The following PARD3B variants were observed in gnomAD, a reference collection of about 807,000 sequenced individuals.
The protein encoded by PARD3B is par-3 family cell polarity regulator beta.
A neutral mutation model predicts 130.2 loss-of-function variants in PARD3B; 103 were observed. That is an observed-to-expected ratio of 0.79 (90% confidence interval 0.67 to 0.93). The LOEUF (loss-of-function observed/expected upper bound fraction) is 0.93, where lower values mean the gene tolerates loss of function less well. Ranked by LOEUF, PARD3B falls within the 40% of genes least tolerant of loss-of-function variation. PARD3B has a pLI of 0.00. For missense variants in PARD3B, 1,609 were observed against 1,499.2 expected (o/e 1.07, Z -1.21); for synonymous variants, 583 against 553.2 (o/e 1.05, Z -0.76).
At chr2:205,152,907 G>A (rs2033860471) in intron 10 of PARD3B, among the ~76,000 whole-genome samples, 1 of 152,142 alleles carries the variant, frequency 6.6e-6, no homozygotes, top group Non-Finnish European at 1.5e-5. Context: ...TCTACCTTTG[G>A]TCTTTGATGA....
At chr2:205,260,750 T>A (rs1388886232) in intron 16 of PARD3B, among the ~76,000 whole-genome samples, 5 of 152,148 alleles carry the variant, frequency 3.3e-5, no homozygotes, top group Middle Eastern at 3.2e-3. Context: ...TGATTTTTTT[T>A]AATTGTTGTT....
chr2:204,815,389 A>G (rs2043108533), intron 2 of PARD3B, among the ~76,000 whole-genome samples: 1 of 151,826 alleles, frequency 6.6e-6, no homozygotes, highest in Non-Finnish European at 1.5e-5. Context: ...CATTCCTGTT[A>G]TTGGTAATTT....
Position 205,165,565 on chromosome 2 carries a change from A to C in PARD3B, c.1621-6646A>C, listed in dbSNP as rs111280722. 2.2e-3 allele frequency among the ~76,000 whole-genome samples: 333 copies of C among 150,646 alleles called. 7 individuals are homozygous for C. In the East Asian group the frequency reaches 0.031, roughly 14 times the overall value. ...AAACCCCATCTCTGCTAAAAATACA[A>C]AAACTAGCCAGGCATGATGGTACGC... is the stretch of plus-strand genomic sequence containing the variant. On this transcript the variant is annotated intron_variant, in intron 11 of 22. Transcript: ENST00000406610.
chr2:204,837,409 A>T (rs1255284029), intron 2 of PARD3B, among the ~76,000 whole-genome samples: 1 of 151,436 alleles, frequency 6.6e-6, no homozygotes, highest in African/African-American at 2.4e-5. Context: ...ATTCTCTTAA[A>T]AAATAAAAAT....
intron 2 of PARD3B, among the ~76,000 whole-genome samples, chr2:204,837,098 T>G (rs180804180): frequency 5.3e-4 from 81 of 152,270 alleles, no homozygotes; most frequent in Admixed American, 1.4e-3. Context: ...CAGTGGGGTA[T>G]GATTGGACCC....
intron 2 of PARD3B, among the ~76,000 whole-genome samples, chr2:204,770,834 A>C (rs1413748897): frequency 2.6e-5 from 4 of 151,974 alleles, no homozygotes; most frequent in African/African-American, 7.2e-5. Flanking sequence ...CCCTATCAGG[A>C]GTCTCTGTAG....
intron 2 of PARD3B, among the ~76,000 whole-genome samples, chr2:204,897,778 T>A (rs1222676318): frequency 6.6e-6 from 1 of 152,092 alleles, no homozygotes; most frequent in Non-Finnish European, 1.5e-5. Context: ...CAAGGGAACA[T>A]TGATCATTGC....
chr2:205,399,351 TTTTG>T (rs1002976062), intron 18 of PARD3B, among the ~76,000 whole-genome samples: 6 of 151,978 alleles, frequency 3.9e-5, no homozygotes, highest in East Asian at 3.9e-4. Flanking sequence ...GTGTGTTTTG[TTTTG>T]TTTGTTTGTT....
At chr2:205,391,290 A>G (rs928976816) in intron 18 of PARD3B, among the ~76,000 whole-genome samples, 2 of 152,266 alleles carry the variant, frequency 1.3e-5, no homozygotes, top group African/African-American at 2.4e-5. Flanking sequence ...GTATCTGGCT[A>G]TTGACTGAAG....
At chr2:204,959,699 G>C (rs554013322) in intron 2 of PARD3B, among the ~76,000 whole-genome samples, 4 of 152,160 alleles carry the variant, frequency 2.6e-5, no homozygotes, top group African/African-American at 9.7e-5. Flanking sequence ...CTAAAATAAG[G>C]TTTATGGATA....
At chr2:205,013,346 G>C (rs1695874032) in intron 3 of PARD3B, among the ~76,000 whole-genome samples, 2 of 152,012 alleles carry the variant, frequency 1.3e-5, no homozygotes, top group Non-Finnish European at 2.9e-5. Context: ...ATTATTTTTA[G>C]ATGTTTAAAA....
chr2:204,803,181 T>TATAA (rs1157897187), intron 2 of PARD3B, among the ~76,000 whole-genome samples: 154 of 144,074 alleles, frequency 1.1e-3, no homozygotes, highest in Non-Finnish European at 1.7e-3. Context: ...TATATATATA[T>TATAA]AATCCTAGAT....
intron 2 of PARD3B, among the ~76,000 whole-genome samples, chr2:204,866,180 G>A (rs1559211490): frequency 6.6e-6 from 1 of 152,150 alleles, no homozygotes; most frequent in Non-Finnish European, 1.5e-5. Flanking sequence ...ATCCAGTGGA[G>A]AAAGAATGAA....
Position 205,125,531 on chromosome 2 carries a change from T to C in PARD3B, c.1306-78T>C. Reference sequence around the variant, plus strand: ...CAAGTATGGGAGCCCATTTGCTTCTTGTTTTCAAAAACTATCTAGTGTAGA... The same window carrying C: ...CAAGTATGGGAGCCCATTTGCTTCTCGTTTTCAAAAACTATCTAGTGTAGA... On this transcript the variant is annotated intron_variant, in intron 9 of 22. Coordinates refer to ENST00000406610, the MANE Select transcript of PARD3B (RefSeq NM_001302769.2). The surrounding 1 kb of genome is among the most constrained non-coding windows in gnomAD (Gnocchi z 4.0). 1 of 1,507,902 alleles carries C rather than the reference T, an allele frequency of 6.6e-7. No individual in the cohort carries two copies. Among genetic ancestry groups the C allele is most frequent in the Non-Finnish European group, 9.0e-7 (1 of 1,115,752 alleles). 93.4% of individuals were successfully genotyped at this position (1,507,902 alleles called of 1,614,324 possible). A position where few individuals can be genotyped will look rare whatever the true frequency, so the allele number is the denominator to read the frequency against.
intron 4 of PARD3B, among the ~76,000 whole-genome samples, chr2:205,095,611 G>A (rs1702348116): frequency 6.6e-6 from 1 of 152,068 alleles, no homozygotes; most frequent in Non-Finnish European, 1.5e-5. Context: ...GGATGAATGT[G>A]TTTGGTCCAC....
chr2:204,758,870 A>C (rs1337268436), intron 2 of PARD3B, among the ~76,000 whole-genome samples: 1 of 152,162 alleles, frequency 6.6e-6, no homozygotes, highest in African/African-American at 2.4e-5. Flanking sequence ...ACCCTAAAAT[A>C]GTTAAGTATT....
At chr2:204,860,475 A>T (rs1327802134) in intron 2 of PARD3B, among the ~76,000 whole-genome samples, 2 of 152,238 alleles carry the variant, frequency 1.3e-5, no homozygotes, top group African/African-American at 4.8e-5. Flanking sequence ...GGACTATTTG[A>T]GCAACAAAGA....
Position 205,316,942 on chromosome 2 carries a change from A to T in PARD3B, c.2630+15241A>T, listed in dbSNP as rs78875666. The stretch of plus-strand genomic sequence containing the variant: ...TCTTTTATTCATCCAACAAATATTG[A>T]TTACCTAATAAGTATAGTCTTAGTA... On this transcript the variant is annotated intron_variant, in intron 18 of 22. Transcript: ENST00000406610. Among the ~76,000 whole-genome samples the T allele has an allele frequency of 1.6e-3, 247 of 152,278 alleles. 5 individuals carry two copies. The East Asian group carries it at 0.047, about 29-fold the overall frequency.
chr2:204,633,116 C>A (rs1227704269), intron 1 of PARD3B, among the ~76,000 whole-genome samples: 1 of 152,086 alleles, frequency 6.6e-6, no homozygotes, highest in Non-Finnish European at 1.5e-5. Context: ...ATTGCCAGAT[C>A]ATAAGGTAGT....
Sources: gnomAD v4.1 joint callset for allele counts (sites outside exome capture counted in the v4.1 genomes callset) on GRCh38, gnomAD v4.1.1 for gene constraint, Gnocchi (gnomAD v3.1) non-coding constraint, MANE v1.5 for transcripts, NCBI Gene and HGNC (gene_info 2026-07-23, HGNC 2026-07-21) for gene names.